BCAR3: variants seen among roughly 807,000 people sequenced by gnomAD.
BCAR3 encodes the protein breast cancer anti-estrogen resistance protein 3.
A neutral mutation model predicts 80.1 loss-of-function variants in BCAR3; 37 were observed. That is an observed-to-expected ratio of 0.46 (90% CI 0.36 to 0.61). The LOEUF is 0.61. Ranked by LOEUF, BCAR3 falls within the 20% of genes least tolerant of loss-of-function variation. BCAR3 has a pLI of 0.00. For synonymous variants in BCAR3, 389 were observed against 418.9 expected, an observed-to-expected ratio of 0.93 and a Z score of 0.87; for missense variants, 978 against 1,068.2, an observed-to-expected ratio of 0.92 and a Z score of 1.18.
chr1:93,725,668 A>T (rs1021663813), intron 2 of BCAR3, among the ~76,000 whole-genome samples: 2 of 152,168 alleles, frequency 1.3e-5, no homozygotes, highest in African/African-American at 4.8e-5. Context: ...TGTCTAATGA[A>T]TTTTTTGTAT....
At chr1:93,752,209 C>T (rs1246075415) in intron 2 of BCAR3, among the ~76,000 whole-genome samples, 3 of 152,176 alleles carry the variant, frequency 2.0e-5, no homozygotes, top group Admixed American at 2.0e-4. Context: ...GCTGGTTTGT[C>T]CTACATTGAA....
chr1:93,564,288 TTC>T (rs1453171512), intron 11 of BCAR3, among the ~76,000 whole-genome samples: 9 of 113,688 alleles, frequency 7.9e-5, no homozygotes, highest in African/African-American at 3.4e-4. Flanking sequence ...ATTTCTTTCT[TTC>T]TTTTTTTTTT....
chr1:93,783,739 C>T (rs145882902), intron 2 of BCAR3, among the ~76,000 whole-genome samples: 3 of 152,234 alleles, frequency 2.0e-5, no homozygotes, highest in African/African-American at 2.4e-5. Flanking sequence ...CATACATATG[C>T]GTTGTGGTAG....
chr1:93,838,483 T>A (rs915436831), intron 2 of BCAR3, among the ~76,000 whole-genome samples: 2 of 152,144 alleles, frequency 1.3e-5, no homozygotes, highest in African/African-American at 4.8e-5. Flanking sequence ...CCCCACTAGG[T>A]CTGACCTCCA....
At chr1:93,654,779 C>G (rs1647294196) in intron 2 of BCAR3, among the ~76,000 whole-genome samples, 1 of 152,132 alleles carries the variant, frequency 6.6e-6, no homozygotes, top group South Asian at 2.1e-4. Context: ...GGGGCTTGCT[C>G]CCTCCCACCA....
chr1:93,809,047 G>C (rs115951179), intron 2 of BCAR3, among the ~76,000 whole-genome samples: 1,642 of 152,302 alleles, frequency 0.011, 31 homozygotes, highest in African/African-American at 0.038. Context: ...AGAAGAGAGA[G>C]AGAAGCGGGA....
At chr1:93,630,186 T>A (rs914916767) in intron 3 of BCAR3, among the ~76,000 whole-genome samples, 4 of 152,168 alleles carry the variant, frequency 2.6e-5, no homozygotes, top group African/African-American at 9.7e-5. Context: ...TCAAAATATC[T>A]CATATACACC....
intron 3 of BCAR3, among the ~76,000 whole-genome samples, chr1:93,594,018 G>A (rs912259856): frequency 2.0e-5 from 3 of 152,178 alleles, no homozygotes; most frequent in African/African-American, 7.2e-5. Flanking sequence ...GACACCGTCC[G>A]CTCCCATCAT....
chr1:93,784,701 T>C (rs1204276002), intron 2 of BCAR3, among the ~76,000 whole-genome samples: 3 of 152,240 alleles, frequency 2.0e-5, no homozygotes, highest in African/African-American at 4.8e-5. Flanking sequence ...GAGTTATCTG[T>C]TGACATTTTG....
intron 8 of BCAR3, among the ~76,000 whole-genome samples, chr1:93,573,803 GT>G (rs34253912): frequency 0.21 from 31,709 of 150,876 alleles, 3,792 homozygotes; most frequent in African/African-American, 0.31. Flanking sequence ...TAATTTTCGT[GT>G]TTTTTTGTAG....
intron 2 of BCAR3, among the ~76,000 whole-genome samples, chr1:93,777,755 A>G (rs892211272): frequency 3.3e-5 from 5 of 151,930 alleles, no homozygotes; most frequent in Non-Finnish European, 7.4e-5. Context: ...TGGCTGGAAT[A>G]CTCCTATAGA....
intron 2 of BCAR3, among the ~76,000 whole-genome samples, chr1:93,726,656 T>G (rs1357622862): frequency 6.6e-6 from 1 of 152,236 alleles, no homozygotes; most frequent in Non-Finnish European, 1.5e-5. Flanking sequence ...TGTCTTATAG[T>G]TGATGGCATC....
In BCAR3 at chr1:93,589,192, G is replaced by A. The variant is rs962866916; in HGVS notation, c.714C>T (p.Arg238=). 1.9e-6 allele frequency: 3 copies of A among 1,613,692 alleles called. No homozygotes were observed. The African/African-American group carries it at 4.0e-5, about 22-fold the overall frequency. The change falls in exon 5 of 12, where the codon CGC becomes CGT. Residue 238 remains arginine, a synonymous_variant. Coordinates refer to ENST00000260502, the MANE Select transcript of BCAR3 (RefSeq NM_003567.4). ...PGLVRCYVGN[R]RPISQQSGAI... ...CGCCACTCTGCTGGGAGATGGGCCG[G>A]CGGTTGCCCACGTAGCAGCGCACCA...
chr1:93,769,186 C>A (rs1040321712), intron 2 of BCAR3, among the ~76,000 whole-genome samples: 2 of 152,200 alleles, frequency 1.3e-5, no homozygotes, highest in Non-Finnish European at 2.9e-5. Context: ...TAGGCTGCAA[C>A]TCCCTGAACT....
At chr1:93,617,338 A>C (rs1048079202) in intron 3 of BCAR3, among the ~76,000 whole-genome samples, 1 of 152,128 alleles carries the variant, frequency 6.6e-6, no homozygotes, top group African/African-American at 2.4e-5. Flanking sequence ...CCTGCTTTTC[A>C]CTGTTTCAGC....
chr1:93,653,836 T>C (rs550606789), intron 2 of BCAR3, among the ~76,000 whole-genome samples: 2 of 152,262 alleles, frequency 1.3e-5, no homozygotes, highest in South Asian at 4.2e-4. Flanking sequence ...AGGAGAAGCA[T>C]GTGCAAAGAT....
intron 3 of BCAR3, among the ~76,000 whole-genome samples, chr1:93,694,842 T>C (rs941992100): frequency 6.6e-6 from 1 of 152,060 alleles, no homozygotes; most frequent in Non-Finnish European, 1.5e-5. Flanking sequence ...ATGGCTGGGG[T>C]CCTCAAAGCC....
intron 2 of BCAR3, among the ~76,000 whole-genome samples, chr1:93,737,608 C>T (rs946657362): frequency 5.9e-5 from 9 of 152,154 alleles, no homozygotes; most frequent in Non-Finnish European, 1.0e-4. Flanking sequence ...TTTTGGCCTC[C>T]TGAACTGTAA....
rs1654324190 is a variant in BCAR3 at position 93,824,791 on chromosome 1, T to G, written c.-63+20776A>C. Among the ~76,000 whole-genome samples, 2 of 134,398 alleles carry G rather than the reference T, an allele frequency of 1.5e-5. 1 individual carries two copies. The highest frequency in any genetic ancestry group is 3.4e-5 in the Non-Finnish European group (2 of 59,508). The allele number at this position is 134,398 out of a possible 152,430, so 88.2% of individuals were successfully genotyped here. A position where few individuals can be genotyped will look rare whatever the true frequency, so the allele number is the denominator to read the frequency against. On this transcript the variant is annotated intron_variant, in intron 2 of 13. Transcript: ENST00000370244. Reference sequence around the variant, plus strand: ...CAAGCCCAAAGCTGCCCACAGGGCCTTTCTTCATTTCTTCTGTCTCATCAA... The same window carrying G: ...CAAGCCCAAAGCTGCCCACAGGGCCGTTCTTCATTTCTTCTGTCTCATCAA...
Sources: allele counts gnomAD v4.1 joint callset (sites outside exome capture counted in the v4.1 genomes callset), GRCh38; gene constraint gnomAD v4.1.1; transcripts MANE v1.5; gene names NCBI Gene and HGNC (gene_info 2026-07-23, HGNC 2026-07-21).